GLI2: variants seen among roughly 807,000 people sequenced by gnomAD.
GLI2 encodes the protein GLI family zinc finger 2.
GLI2 carries 22 observed loss-of-function variants against 78.9 expected under a neutral mutation model. That is an observed-to-expected ratio of 0.28 (90% confidence interval 0.20 to 0.40). GLI2 has a LOEUF of 0.40. GLI2 is among the 10% of genes least tolerant of loss of function. The probability of loss-of-function intolerance (pLI) is 1.00; values close to 1 mark genes in which losing one functional copy is unlikely to be tolerated. For missense variants in GLI2, 2,097 were observed against 2,213.2 expected (o/e 0.95, Z 1.05); for synonymous variants, 974 against 963.7 (o/e 1.01, Z -0.20).
intron 1 of GLI2, among the ~76,000 whole-genome samples, chr2:120,786,016 A>T (rs1317417353): frequency 1.3e-5 from 2 of 152,176 alleles, no homozygotes; most frequent in Non-Finnish European, 2.9e-5. Context: ...CTGTCATAAG[A>T]GGGAGAAGAC....
chr2:120,924,599 A>G (rs989436950), intron 2 of GLI2, among the ~76,000 whole-genome samples: 3 of 152,194 alleles, frequency 2.0e-5, no homozygotes, highest in Non-Finnish European at 4.4e-5. Context: ...TTGGCAAAAT[A>G]CTGAAATCTG....
intron 2 of GLI2, among the ~76,000 whole-genome samples, chr2:120,896,667 C>CACA (rs1558865604): frequency 1.1e-3 from 21 of 19,746 alleles, no homozygotes; most frequent in African/African-American, 3.2e-3. Flanking sequence ...ACACATACAC[C>CACA]CACCCCCCCA....
At chr2:120,890,384 T>C (rs1677619977) in intron 2 of GLI2, among the ~76,000 whole-genome samples, 2 of 152,112 alleles carry the variant, frequency 1.3e-5, no homozygotes, top group African/African-American at 4.8e-5. Context: ...ACTGAGGTGG[T>C]AGATATTGAA....
At chr2:120,969,168 T>G (rs756511198) in intron 6 of GLI2, among the ~76,000 whole-genome samples, 4 of 152,200 alleles carry the variant, frequency 2.6e-5, no homozygotes, top group Non-Finnish European at 4.4e-5. Flanking sequence ...ATCAAAGGTG[T>G]TTGAGGTCAA....
rs151308023 is a variant in GLI2 at position 120,901,778 on chromosome 2, A to C, written c.149-25583A>C. Reference sequence around the variant, plus strand: ...CTACTGTGATTAAAATCTCTGTTCCAGTGCTGTTTACCACTTAGATTTTTA... The same window carrying C: ...CTACTGTGATTAAAATCTCTGTTCCCGTGCTGTTTACCACTTAGATTTTTA... On this transcript the variant is annotated intron_variant, in intron 2 of 13. Transcript: ENST00000361492. Among the ~76,000 whole-genome samples, 998 of 152,326 alleles carry C rather than the reference A, an allele frequency of 6.6e-3. 18 individuals are homozygous for C. Among genetic ancestry groups the C allele is most frequent in the African/African-American group, 0.023 (949 of 41,568 alleles).
At position 120,801,011 on chromosome 2, in the gene GLI2, C is replaced by T. The variant is rs532008367; in HGVS notation, c.148+3543C>T. Among the ~76,000 whole-genome samples the T allele has an allele frequency of 1.2e-3, 178 of 152,340 alleles. 1 individual carries two copies. The highest frequency in any genetic ancestry group is 1.4e-3 in the Non-Finnish European group (94 of 68,036). On this transcript the variant is annotated intron_variant, in intron 2 of 13. Transcript: ENST00000361492. ...TGCATTCCCCGGCAGCTCATGGCCCCTCATGCAGCCTCCCCCACCCCTCAC... is the reference window on the plus strand; with the variant it reads ...TGCATTCCCCGGCAGCTCATGGCCCTTCATGCAGCCTCCCCCACCCCTCAC...
At chr2:120,834,993 G>A (rs1213421505) in intron 2 of GLI2, among the ~76,000 whole-genome samples, 2 of 152,122 alleles carry the variant, frequency 1.3e-5, no homozygotes, top group African/African-American at 4.8e-5. Flanking sequence ...CATTTGGGTG[G>A]AGTTGTGACC....
At chr2:120,919,062 T>C (rs553552372) in intron 2 of GLI2, among the ~76,000 whole-genome samples, 118 of 152,338 alleles carry the variant, frequency 7.7e-4, no homozygotes, top group African/African-American at 2.8e-3. Context: ...ACTAGCGCCT[T>C]CTTTTGCCAA....
At chr2:120,809,236 CAT>C (rs1685115168) in intron 2 of GLI2, among the ~76,000 whole-genome samples, 2 of 152,158 alleles carry the variant, frequency 1.3e-5, no homozygotes, top group Non-Finnish European at 2.9e-5. Context: ...ACCTCGCAAA[CAT>C]ATGCTAAGAG....
intron 1 of GLI2, among the ~76,000 whole-genome samples, chr2:120,780,107 C>T (rs1438831240): frequency 1.3e-5 from 2 of 151,304 alleles, no homozygotes; most frequent in Admixed American, 6.6e-5. Flanking sequence ...TTGGGTTTCT[C>T]GGTTCTCAGA....
chr2:120,769,449 C>T (rs1167939626), intron 1 of GLI2, among the ~76,000 whole-genome samples: 1 of 152,196 alleles, frequency 6.6e-6, no homozygotes, highest in Non-Finnish European at 1.5e-5. Flanking sequence ...TTCCTTCTCT[C>T]CTGGAAGTTG....
At chr2:120,960,613 A>C (rs1681507197) in intron 5 of GLI2, among the ~76,000 whole-genome samples, 1 of 152,240 alleles carries the variant, frequency 6.6e-6, no homozygotes, top group Admixed American at 6.5e-5. Context: ...TCCCTGTCTG[A>C]AGAGGATGTT....
At chr2:120,807,475 G>A (rs938114771) in intron 2 of GLI2, among the ~76,000 whole-genome samples, 1 of 152,184 alleles carries the variant, frequency 6.6e-6, no homozygotes, top group Non-Finnish European at 1.5e-5. Context: ...ACTGTTTTCT[G>A]AGGGTAGCGC....
chr2:120,762,357 C>T (rs928908812), intron 1 of GLI2, among the ~76,000 whole-genome samples: 12 of 152,142 alleles, frequency 7.9e-5, no homozygotes, highest in African/African-American at 1.2e-4. Context: ...GATGAAAAAA[C>T]GGAGGTGCCA....
At chr2:120,927,612 G>A in intron 3 of GLI2, 146 bp downstream of exon 3, 1 of 729,176 alleles carries the variant, frequency 1.4e-6, no homozygotes. Flanking sequence ...GATCACCTTT[G>A]CTATCATGGC....
At chr2:120,773,215 G>A (rs1052243335) in intron 1 of GLI2, among the ~76,000 whole-genome samples, 2 of 152,128 alleles carry the variant, frequency 1.3e-5, no homozygotes, top group Non-Finnish European at 2.9e-5. Flanking sequence ...GTTAAGCTCT[G>A]AATAAGTCTT....
chr2:120,814,017 A>C (rs895432666), intron 2 of GLI2, among the ~76,000 whole-genome samples: 51 of 152,008 alleles, frequency 3.4e-4, no homozygotes, highest in Non-Finnish European at 2.9e-4. Flanking sequence ...GCTGCCCCCG[A>C]GAACAACTGG....
intron 7 of GLI2, among the ~76,000 whole-genome samples, chr2:120,971,506 C>T (rs544654691): frequency 1.4e-4 from 22 of 152,254 alleles, no homozygotes; most frequent in Non-Finnish European, 2.5e-4. Context: ...GCTCTGGAAA[C>T]ATCACCTGAT....
At chr2:120,813,714 T>A (rs1363508081) in intron 2 of GLI2, among the ~76,000 whole-genome samples, 1 of 152,164 alleles carries the variant, frequency 6.6e-6, no homozygotes, top group East Asian at 1.9e-4. Flanking sequence ...CATTCTTGCA[T>A]GCAGTCTTGT....
Sources: allele counts gnomAD v4.1 joint callset (sites outside exome capture counted in the v4.1 genomes callset), GRCh38; gene constraint gnomAD v4.1.1; transcripts MANE v1.5; gene names NCBI Gene and HGNC (gene_info 2026-07-23, HGNC 2026-07-21).